CASK: variants seen among roughly 807,000 people sequenced by gnomAD.
CASK encodes the protein calcium/calmodulin dependent serine protein kinase.
A neutral mutation model predicts 82.9 loss-of-function variants in CASK; 4 were observed. That is an observed-to-expected ratio of 0.05 (90% CI 0.02 to 0.11). The LOEUF is 0.11. Ranked by LOEUF, CASK falls within the 10% of genes least tolerant of loss-of-function variation. The pLI is 1.00. For missense variants in CASK, 358 were observed against 720.9 expected, an observed-to-expected ratio of 0.50 and a Z score of 5.76; for synonymous variants, 259 against 253.5, an observed-to-expected ratio of 1.02 and a Z score of -0.20.
In CASK at chrX:41,549,011, C is replaced by A. The variant is rs143257625; in HGVS notation, c.2039+4708G>T. On this transcript the variant is annotated intron_variant, in intron 21 of 26. Transcript: ENST00000378163. Reference sequence around the variant, plus strand: ...GAAGGAAATTTCAAACACATGCCTACCAATTTATTGATGGCTTAGATCAGG... The same window carrying A: ...GAAGGAAATTTCAAACACATGCCTAACAATTTATTGATGGCTTAGATCAGG... Among the ~76,000 whole-genome samples, 604 of 111,248 alleles carry A rather than the reference C, an allele frequency of 5.4e-3. 5 individuals are homozygous for A. The highest frequency in any genetic ancestry group is 0.019 in the African/African-American group (578 of 30,598).
chrX:41,656,290 A>G (rs1446015384), intron 8 of CASK, among the ~76,000 whole-genome samples: 2 of 112,199 alleles, frequency 1.8e-5, no homozygotes, highest in African/African-American at 6.5e-5. Flanking sequence ...CCTGGTGGGA[A>G]AGCCCTGAAC....
intron 1 of CASK, among the ~76,000 whole-genome samples, chrX:41,911,844 GTA>G (rs1457031507): frequency 1.8e-5 from 2 of 111,221 alleles, no homozygotes; most frequent in African/African-American, 3.3e-5. Context: ...ACTCAATACT[GTA>G]TTTTCTATGT....
intron 1 of CASK, among the ~76,000 whole-genome samples, chrX:41,892,927 G>C (rs2072200053): frequency 8.9e-6 from 1 of 111,767 alleles, no homozygotes; most frequent in East Asian, 2.8e-4. Context: ...GAGCCTGTTG[G>C]GAAAGGCAAA....
Position 41,884,928 on chromosome X carries a change from C to G in CASK, c.60-31701G>C, listed in dbSNP as rs1016590409. On this transcript the variant is annotated intron_variant, in intron 1 of 26. Transcript: ENST00000378163. ...TCATTTCATTACAGAAAAATGAATCCAAATTTACTTAAGCCACTATTATTT... is the reference window on the plus strand; with the variant it reads ...TCATTTCATTACAGAAAAATGAATCGAAATTTACTTAAGCCACTATTATTT... 7.1e-5 allele frequency among the ~76,000 whole-genome samples: 8 copies of G among 111,958 alleles called. No individual in the cohort carries two copies. The East Asian group carries it at 2.2e-3, about 31-fold the overall frequency.
intron 18 of CASK, among the ~76,000 whole-genome samples, chrX:41,557,775 C>T (rs1421105117): frequency 1.8e-5 from 2 of 111,451 alleles, no homozygotes; most frequent in East Asian, 2.8e-4. Flanking sequence ...GCTCCTCTAT[C>T]GCTTGCTTTC....
chrX:41,854,222 G>GCA (rs1195147772), intron 1 of CASK, among the ~76,000 whole-genome samples: 14,487 of 83,051 alleles, frequency 0.17, 1,085 homozygotes, highest in Non-Finnish European at 0.24. Context: ...GCGCGGGCGC[G>GCA]CGCACACACA....
At chrX:41,572,585 A>G (rs765084536) in intron 15 of CASK, among the ~76,000 whole-genome samples, 88 of 111,619 alleles carry the variant, frequency 7.9e-4, no homozygotes, top group African/African-American at 2.9e-3. Context: ...GCCTTACAAT[A>G]GTATATAGTA....
chrX:41,548,177 CTA>C (rs1316443051), intron 21 of CASK, among the ~76,000 whole-genome samples: 1 of 111,685 alleles, frequency 9.0e-6, no homozygotes, highest in Non-Finnish European at 1.9e-5. Context: ...ATTGATATGA[CTA>C]TGTGGATTTT....
chrX:41,734,375 G>A lies in CASK; in HGVS notation c.429+5009C>T, dbSNP rs1032940220. ...AAATTCCACAAACTCTCAGTGCTTA[G>A]TAGAGCCCATGAAAGAAGGCAAAGA... On this transcript the variant is annotated intron_variant, in intron 5 of 26. Transcript: ENST00000378163. Among the ~76,000 whole-genome samples the A allele has an allele frequency of 4.5e-5, 5 of 111,404 alleles. No homozygotes were observed. The South Asian group carries it at 1.5e-3, about 34-fold the overall frequency.
At chrX:41,599,918 ATACGG>A (rs2065870656) in intron 12 of CASK, among the ~76,000 whole-genome samples, 1 of 112,307 alleles carries the variant, frequency 8.9e-6, no homozygotes, top group Admixed American at 9.5e-5. Flanking sequence ...ATCTTCTGAA[ATACGG>A]TACTTTTTAG....
chrX:41,758,395 A>T (rs1303619953), intron 3 of CASK, among the ~76,000 whole-genome samples: 2 of 101,435 alleles, frequency 2.0e-5, no homozygotes, highest in African/African-American at 7.2e-5. Context: ...AGATCATGCC[A>T]TTGCACTCCA....
intron 5 of CASK, among the ~76,000 whole-genome samples, chrX:41,730,901 C>T (rs975907853): frequency 4.5e-5 from 5 of 110,792 alleles, no homozygotes; most frequent in Admixed American, 1.9e-4. Flanking sequence ...GACGGGGTTT[C>T]GCCATGTTAC....
intron 3 of CASK, among the ~76,000 whole-genome samples, chrX:41,768,722 C>A (rs1477066225): frequency 9.0e-6 from 1 of 111,609 alleles, no homozygotes; most frequent in Non-Finnish European, 1.9e-5. Flanking sequence ...AATCCCTGCA[C>A]TTTGGGAGGC....
At chrX:41,626,275 T>G (rs1182197824) in intron 10 of CASK, among the ~76,000 whole-genome samples, 1 of 110,629 alleles carries the variant, frequency 9.0e-6, no homozygotes, top group Non-Finnish European at 1.9e-5. Flanking sequence ...AGAGAGAAGG[T>G]AATCAGAAAG....
chrX:41,751,573 G>C (rs890571937), intron 3 of CASK, among the ~76,000 whole-genome samples: 2 of 109,648 alleles, frequency 1.8e-5, no homozygotes, highest in African/African-American at 6.6e-5. Flanking sequence ...GAGGTAGGAG[G>C]GGGTGGGGTG....
At chrX:41,696,922 T>A in intron 5 of CASK, 2 of 394,559 alleles carry the variant, frequency 5.1e-6, no homozygotes, top group Non-Finnish European at 8.8e-6. Flanking sequence ...TGCTTAACTG[T>A]AAACCATTTC....
At chrX:41,606,695 C>CT (rs1381115981) in intron 12 of CASK, among the ~76,000 whole-genome samples, 122 of 101,555 alleles carry the variant, frequency 1.2e-3, no homozygotes, top group Non-Finnish European at 1.4e-3. Context: ...GATACTGCAC[C>CT]TTTTTTTTTT....
chrX:41,855,884 A>T lies in CASK; in HGVS notation c.60-2657T>A, dbSNP rs147456466. On this transcript the variant is annotated intron_variant, in intron 1 of 26. Coordinates refer to ENST00000378163, the MANE Select transcript of CASK (RefSeq NM_001367721.1). Reference sequence around the variant, plus strand: ...AACTCTTTACAAATTCTGAATATTGATTGGGATGGTAAAACAAGGTTCTAC... The same window carrying T: ...AACTCTTTACAAATTCTGAATATTGTTTGGGATGGTAAAACAAGGTTCTAC... Among the ~76,000 whole-genome samples the T allele has an allele frequency of 6.8e-3, 769 of 112,477 alleles. 4 individuals are homozygous for T. Among genetic ancestry groups the T allele is most frequent in the Middle Eastern group, 0.023 (5 of 218 alleles).
chrX:41,890,348 T>A (rs953258581), intron 1 of CASK, among the ~76,000 whole-genome samples: 6 of 110,229 alleles, frequency 5.4e-5, no homozygotes, highest in Admixed American at 2.9e-4. Flanking sequence ...CAACCCCTAT[T>A]CTAATTGTTG....
Sources: gnomAD v4.1 joint callset for allele counts (sites outside exome capture counted in the v4.1 genomes callset) on GRCh38, gnomAD v4.1.1 for gene constraint, MANE v1.5 for transcripts, NCBI Gene and HGNC (gene_info 2026-07-23, HGNC 2026-07-21) for gene names.